SPTAN1: variants seen among roughly 807,000 people sequenced by gnomAD.
SPTAN1 encodes the protein spectrin alpha, non-erythrocytic 1, also known as spectrin alpha chain, non-erythrocytic 1.
In SPTAN1, 61 loss-of-function variants were observed where a neutral mutation model predicts 331.3. That is an observed-to-expected ratio of 0.18 (90% CI 0.15 to 0.23). The LOEUF is 0.23. SPTAN1 is among the 10% of genes least tolerant of loss of function. The probability of loss-of-function intolerance (pLI) is 1.00; values close to 1 mark genes in which losing one functional copy is unlikely to be tolerated. For missense variants in SPTAN1, 2,043 were observed against 3,147.9 expected (o/e 0.65, Z 8.40); for synonymous variants, 1,153 against 1,173.9 (o/e 0.98, Z 0.36).
At chr9:128,554,551 A>G (rs905290209) in intron 1 of SPTAN1, among the ~76,000 whole-genome samples, 3 of 151,810 alleles carry the variant, frequency 2.0e-5, no homozygotes, top group Non-Finnish European at 4.4e-5. Context: ...ATAGTCCCCC[A>G]TGTCCTGTCA....
In SPTAN1 at chr9:128,577,979, A is replaced by C; in HGVS notation, c.1086-131A>C. On this transcript the variant is annotated intron_variant, in intron 8 of 56. Coordinates refer to ENST00000372739, the MANE Select transcript of SPTAN1 (RefSeq NM_001130438.3). The surrounding 1 kb of genome is among the most constrained non-coding windows in gnomAD (Gnocchi z 4.2). ...TCACAGTCTAGATTGGGAAATTTTC[A>C]TATTTCCCAGAATTAGAATTTATAT... The C allele has an allele frequency of 8.4e-7, 1 of 1,191,462 alleles. No homozygotes were observed. Among genetic ancestry groups the C allele is most frequent in the Non-Finnish European group, 1.2e-6 (1 of 812,634 alleles). The allele number at this position is 1,191,462 out of a possible 1,614,324, so 73.8% of individuals were successfully genotyped here.
At chr9:128,570,720 G>C (rs1255852845) in intron 3 of SPTAN1, among the ~76,000 whole-genome samples, 1 of 151,210 alleles carries the variant, frequency 6.6e-6, no homozygotes, top group Non-Finnish European at 1.5e-5. Flanking sequence ...GGAATGGCAC[G>C]ATCCCGGCTC....
At position 128,583,989 on chromosome 9, in the gene SPTAN1, G is replaced by A. The variant is rs867347972; in HGVS notation, c.2193+20G>A. 5.0e-6 allele frequency: 8 copies of A among 1,614,144 alleles called. 1 individual carries two copies. The Middle Eastern group carries it at 4.9e-4, about 100-fold the overall frequency. ...CACCAGGTAGTGTGAACTGGGGGCT[G>A]TGGTTGGGCAAGTGAATGCAGAAAC... On this transcript the variant is annotated intron_variant, in intron 16 of 56. Coordinates refer to ENST00000372739, the MANE Select transcript of SPTAN1 (RefSeq NM_001130438.3).
At chr9:128,559,326 G>T (rs1849014019) in intron 1 of SPTAN1, among the ~76,000 whole-genome samples, 1 of 152,130 alleles carries the variant, frequency 6.6e-6, no homozygotes, top group Admixed American at 6.5e-5. Flanking sequence ...CAGCAAGCTG[G>T]GCCCAAGCAG....
intron 14 of SPTAN1, 33 bp from the exon 15 acceptor site, chr9:128,583,044 A>C (rs373018123): frequency 1.1e-4 from 182 of 1,609,932 alleles, no homozygotes; most frequent in Non-Finnish European, 1.5e-4. Flanking sequence ...TCTCAGGTTC[A>C]AGATAGAAAG....
intron 19 of SPTAN1, among the ~76,000 whole-genome samples, chr9:128,586,749 G>T (rs1852691749): frequency 6.6e-6 from 1 of 151,694 alleles, no homozygotes; most frequent in Non-Finnish European, 1.5e-5. Context: ...ATTCATAAAG[G>T]TCTAGGTATA....
At chr9:128,583,705 C>A in intron 15 of SPTAN1, 83 bp from the exon 16 acceptor site, 1 of 1,443,888 alleles carries the variant, frequency 6.9e-7, no homozygotes, top group Non-Finnish European at 9.7e-7. Context: ...TATAGTCCTT[C>A]ACTAAGATAC....
intron 22 of SPTAN1, among the ~76,000 whole-genome samples, chr9:128,592,509 G>A (rs1046047341): frequency 6.6e-6 from 1 of 152,152 alleles, no homozygotes; most frequent in Non-Finnish European, 1.5e-5. Context: ...TCCTGACCTC[G>A]TGATCCGCCC....
At chr9:128,582,414 T>G (rs1852054275) in intron 12 of SPTAN1, 65 bp from the exon 13 acceptor site, 1 of 1,447,116 alleles carries the variant, frequency 6.9e-7, no homozygotes, top group Non-Finnish European at 9.7e-7. Flanking sequence ...GCAGTTACTT[T>G]TCTCCAGAGG....
At chr9:128,615,093 T>G (rs1856996409) in intron 40 of SPTAN1, among the ~76,000 whole-genome samples, 1 of 152,228 alleles carries the variant, frequency 6.6e-6, no homozygotes, top group African/African-American at 2.4e-5. Context: ...AATTCTAACT[T>G]TCTCATAAAA....
chr9:128,578,359 T>TGAA (rs1851543579), intron 9 of SPTAN1, 114 bp downstream of exon 9: 1 of 1,419,164 alleles, frequency 7.0e-7, no homozygotes, highest in Non-Finnish European at 9.7e-7. Context: ...TTCACAGGTG[T>TGAA]TTCTCATCAT....
intron 37 of SPTAN1, among the ~76,000 whole-genome samples, 200 bp downstream of exon 37, chr9:128,609,865 G>A (rs1026405647): frequency 3.3e-5 from 5 of 152,114 alleles, no homozygotes; most frequent in African/African-American, 1.2e-4. Flanking sequence ...AGCCTGCAAC[G>A]CCTTACTCCC....
intron 44 of SPTAN1, among the ~76,000 whole-genome samples, chr9:128,620,714 G>A (rs531279503): frequency 2.1e-5 from 3 of 145,690 alleles, no homozygotes; most frequent in Non-Finnish European, 3.0e-5. Flanking sequence ...CAAGAACTCC[G>A]TCTCAAAAAG....
Position 128,583,144 on chromosome 9 carries a change from A to G in SPTAN1, c.1874A>G (p.Gln625Arg). 6.2e-7 allele frequency: 1 copy of G among 1,614,192 alleles called. No homozygotes were observed. The highest frequency in any genetic ancestry group is 2.2e-5 in the East Asian group (1 of 44,886). ...QAFEAELSAN[Q>R]SRIDALEKAG... ...TTTGAGGCTGAGCTCTCAGCAAACC[A>G]GAGCCGAATTGATGCCTTGGAGAAA... Residue 625 changes from glutamine to arginine, a missense_variant, in exon 15 of 57, where the codon CAG (glutamine) becomes CGG (arginine). Gln to Arg is a conservative substitution (Grantham distance 43). Transcript: ENST00000372739.
In SPTAN1 at chr9:128,576,820, T is replaced by C. The variant is rs1196295122; in HGVS notation, c.652-3T>C. ...AATCCAGTCTCTTCTCTTCCTTGTT[T>C]AGGAGCAGCACCCTGAGGAGGAACT... is the stretch of plus-strand genomic sequence containing the variant. On this transcript the variant is annotated splice_polypyrimidine_tract_variant and splice_region_variant and intron_variant, in intron 5 of 56. Transcript: ENST00000372739. The C allele has an allele frequency of 1.2e-6, 2 of 1,613,598 alleles. No homozygotes were observed. Among genetic ancestry groups the C allele is most frequent in the East Asian group, 2.2e-5 (1 of 44,886 alleles).
At chr9:128,555,364 A>G (rs1024103786) in intron 1 of SPTAN1, 76 of 1,289,396 alleles carry the variant, frequency 5.9e-5, no homozygotes, top group Non-Finnish European at 7.3e-5. Flanking sequence ...ACATTCCTCC[A>G]TCATGTTGTC....
chr9:128,586,176 T>C (rs1336238346), intron 19 of SPTAN1, among the ~76,000 whole-genome samples: 1 of 141,990 alleles, frequency 7.0e-6, no homozygotes, highest in Non-Finnish European at 1.5e-5. Flanking sequence ...TGGACTGCAA[T>C]GTTACAATTG....
Position 128,589,290 on chromosome 9 carries a change from C to CTTT in SPTAN1, c.3006+361_3006+363dup, listed in dbSNP as rs1171749676. ...GGTTCTTTTTTTTTCTTTTTCTTTT[C>CTTT]TTTTTTTTTTTTTTTTGAGACAGAG... On this transcript the variant is annotated intron_variant, in intron 21 of 56. Coordinates refer to ENST00000372739, the MANE Select transcript of SPTAN1 (RefSeq NM_001130438.3). 1.0e-3 allele frequency among the ~76,000 whole-genome samples: 131 copies of CTTT among 126,968 alleles called. 1 individual carries two copies. Among genetic ancestry groups the CTTT allele is most frequent in the Non-Finnish European group, 4.2e-4 (26 of 61,354 alleles). 83.3% of individuals were successfully genotyped at this position (126,968 alleles called of 152,430 possible).
intron 49 of SPTAN1, 92 bp downstream of exon 49, chr9:128,626,779 G>C (rs2131971409): frequency 1.9e-6 from 2 of 1,047,822 alleles, no homozygotes; most frequent in Non-Finnish European, 2.6e-6. Context: ...GTCACGACAA[G>C]ACGAGCAGGA....
Sources: allele counts gnomAD v4.1 joint callset (sites outside exome capture counted in the v4.1 genomes callset), GRCh38; gene constraint gnomAD v4.1.1; non-coding constraint Gnocchi (gnomAD v3.1); transcripts MANE v1.5; gene names NCBI Gene and HGNC (gene_info 2026-07-23, HGNC 2026-07-21).